LUZP2: variants seen among roughly 807,000 people sequenced by gnomAD.
LUZP2 encodes leucine zipper protein 2.
LUZP2 carries 52 observed loss-of-function variants against 51.6 expected under a neutral mutation model. The ratio of observed to expected loss-of-function variants is 1.01; its 90% confidence interval spans 0.81 to 1.27. The LOEUF (loss-of-function observed/expected upper bound fraction) is 1.27, where lower values mean the gene tolerates loss of function less well. Ranked by LOEUF, LUZP2 falls within the 50% of genes most tolerant of loss-of-function variation. LUZP2 has a pLI of 0.00. For synonymous variants in LUZP2, 154 were observed against 137.3 expected, an observed-to-expected ratio of 1.12 and a Z score of -0.85; for missense variants, 436 against 395.4, an observed-to-expected ratio of 1.10 and a Z score of -0.87.
At chr11:24,900,304 T>TTTTA (rs1370063328) in intron 5 of LUZP2, among the ~76,000 whole-genome samples, 3 of 152,026 alleles carry the variant, frequency 2.0e-5, no homozygotes, top group African/African-American at 7.2e-5. Context: ...TTTCTAGGGT[T>TTTTA]TTTATTAAAT....
intron 7 of LUZP2, among the ~76,000 whole-genome samples, chr11:24,939,621 G>A (rs1023248644): frequency 3.3e-5 from 5 of 151,968 alleles, no homozygotes; most frequent in Admixed American, 6.6e-5. Flanking sequence ...TAAGAAAATC[G>A]TCTAACAAAA....
intron 1 of LUZP2, among the ~76,000 whole-genome samples, chr11:24,554,912 A>C (rs1851821669): frequency 6.6e-6 from 1 of 152,150 alleles, no homozygotes; most frequent in Non-Finnish European, 1.5e-5. Context: ...AATCTTAGTC[A>C]TAAATGCAGT....
intron 5 of LUZP2, among the ~76,000 whole-genome samples, chr11:24,774,395 C>G (rs1246376264): frequency 9.7e-6 from 1 of 103,166 alleles, no homozygotes; most frequent in African/African-American, 4.2e-5. Flanking sequence ...TACACACACA[C>G]ATATTTATAA....
At chr11:24,898,315 T>C (rs548712103) in intron 5 of LUZP2, among the ~76,000 whole-genome samples, 3 of 152,240 alleles carry the variant, frequency 2.0e-5, no homozygotes, top group Admixed American at 6.5e-5. Context: ...CAAATAGCAG[T>C]AACATCATCT....
intron 9 of LUZP2, among the ~76,000 whole-genome samples, chr11:24,992,877 A>G (rs755928504): frequency 5.9e-5 from 9 of 152,172 alleles, no homozygotes; most frequent in Non-Finnish European, 8.8e-5. Context: ...TTAAGTATAC[A>G]TAATGCCAGT....
intron 5 of LUZP2, among the ~76,000 whole-genome samples, chr11:24,778,293 G>A (rs911972543): frequency 1.3e-5 from 2 of 152,090 alleles, no homozygotes; most frequent in East Asian, 1.9e-4. Context: ...ATGCATGCCT[G>A]TAGTCTTAGC....
At chr11:24,921,095 C>G (rs1043084682) in intron 7 of LUZP2, among the ~76,000 whole-genome samples, 8 of 151,870 alleles carry the variant, frequency 5.3e-5, no homozygotes, top group Admixed American at 2.0e-4. Flanking sequence ...TTCTTGGTCT[C>G]CCACTGATAG....
At chr11:24,811,493 C>A (rs1386706051) in intron 5 of LUZP2, among the ~76,000 whole-genome samples, 2 of 151,870 alleles carry the variant, frequency 1.3e-5, no homozygotes, top group East Asian at 1.9e-4. Context: ...ATGGAGTAAT[C>A]CTTTTTTTTT....
chr11:24,745,274 G>A (rs571079750), intron 4 of LUZP2, among the ~76,000 whole-genome samples: 82 of 152,198 alleles, frequency 5.4e-4, no homozygotes, highest in African/African-American at 1.8e-3. Flanking sequence ...TTGACGTTCT[G>A]TCTTGACCTT....
At chr11:24,567,310 A>G (rs1319437515) in intron 1 of LUZP2, among the ~76,000 whole-genome samples, 1 of 152,106 alleles carries the variant, frequency 6.6e-6, no homozygotes, top group African/African-American at 2.4e-5. Flanking sequence ...AGAAGAAAAA[A>G]GCATAGAGAA....
chr11:24,960,507 C>A (rs1349284413), intron 7 of LUZP2, among the ~76,000 whole-genome samples: 1 of 152,020 alleles, frequency 6.6e-6, no homozygotes, highest in African/African-American at 2.4e-5. Flanking sequence ...TTATCCATTT[C>A]TTCTAGATTT....
intron 1 of LUZP2, among the ~76,000 whole-genome samples, chr11:24,688,343 G>T (rs1856961192): frequency 6.6e-6 from 1 of 152,098 alleles, no homozygotes; most frequent in East Asian, 1.9e-4. Flanking sequence ...TGTAGCTAGA[G>T]AATTGTATGG....
chr11:24,907,319 T>G (rs1349821787), intron 6 of LUZP2, among the ~76,000 whole-genome samples: 2 of 149,848 alleles, frequency 1.3e-5, no homozygotes, highest in East Asian at 4.0e-4. Context: ...AAAAAAACAT[T>G]AACACAAATA....
At chr11:25,074,531 T>C (rs1486416161) in intron 10 of LUZP2, among the ~76,000 whole-genome samples, 3 of 152,182 alleles carry the variant, frequency 2.0e-5, no homozygotes, top group African/African-American at 7.2e-5. Context: ...AATAGTTGGT[T>C]GTGCTAGCAT....
intron 1 of LUZP2, among the ~76,000 whole-genome samples, chr11:24,602,082 G>GTGTATATA (rs1275427139): frequency 8.2e-6 from 1 of 122,408 alleles, no homozygotes; most frequent in Non-Finnish European, 1.6e-5. Flanking sequence ...GCGTATATAT[G>GTGTATATA]TGTATATATG....
chr11:24,931,265 A>C (rs1220575340), intron 7 of LUZP2, among the ~76,000 whole-genome samples: 1 of 138,988 alleles, frequency 7.2e-6, no homozygotes, highest in Non-Finnish European at 1.5e-5. Flanking sequence ...AAAATAAAAT[A>C]AAATAAAAAG....
intron 1 of LUZP2, chr11:24,701,251 C>T (rs1195503818): frequency 6.2e-6 from 1 of 160,304 alleles, no homozygotes; most frequent in Non-Finnish European, 1.5e-5. Context: ...CAGGCATCCG[C>T]CAATCACCAT....
chr11:25,004,787 G>T (rs567664670), intron 9 of LUZP2, among the ~76,000 whole-genome samples: 83 of 152,134 alleles, frequency 5.5e-4, no homozygotes, highest in Non-Finnish European at 9.7e-4. Flanking sequence ...CTGAGTTGAG[G>T]TCCCAGTGGG....
intron 5 of LUZP2, among the ~76,000 whole-genome samples, chr11:24,765,256 G>A (rs1318616477): frequency 6.6e-6 from 1 of 152,120 alleles, no homozygotes; most frequent in African/African-American, 2.4e-5. Context: ...GGCACTTCAT[G>A]GAAGATTTTC....
Sources: allele counts gnomAD v4.1 joint callset (sites outside exome capture counted in the v4.1 genomes callset), GRCh38; gene constraint gnomAD v4.1.1; transcripts MANE v1.5; gene names NCBI Gene and HGNC (gene_info 2026-07-23, HGNC 2026-07-21).